The following ZNF286A variants were observed in gnomAD, a reference collection of about 807,000 sequenced individuals.
The protein encoded by ZNF286A is zinc finger protein ZNF286.
ZNF286A carries 34 observed loss-of-function variants against 49.3 expected under a neutral mutation model. The observed-to-expected ratio is 0.69, with a 90% confidence interval of 0.52 to 0.92. ZNF286A has a LOEUF of 0.92. ZNF286A is among the 40% of genes least tolerant of loss of function. The probability of loss-of-function intolerance (pLI) is 0.00; values close to 1 mark genes in which losing one functional copy is unlikely to be tolerated. For synonymous variants in ZNF286A, 155 were observed against 200.4 expected, an observed-to-expected ratio of 0.77 and a Z score of 1.91; for missense variants, 462 against 600.2, an observed-to-expected ratio of 0.77 and a Z score of 2.41.
intron 5 of ZNF286A, among the ~76,000 whole-genome samples, chr17:15,709,205 C>T (rs1375498477): frequency 6.7e-6 from 1 of 150,132 alleles, no homozygotes; most frequent in African/African-American, 2.5e-5. Flanking sequence ...CCCTTTTATT[C>T]TCAGCTGGGT....
chr17:15,706,354 G>C, intron 3 of ZNF286A, 33 bp from the exon 4 acceptor site: 1 of 1,580,302 alleles, frequency 6.3e-7, no homozygotes, highest in South Asian at 1.1e-5. Flanking sequence ...GTAATTAAGG[G>C]AAAGATGTTG....
intron 4 of ZNF286A, among the ~76,000 whole-genome samples, chr17:15,707,204 G>C (rs1363831812): frequency 6.6e-6 from 1 of 152,140 alleles, no homozygotes; most frequent in Non-Finnish European, 1.5e-5. Context: ...ACTTTGGGAG[G>C]CCGAGGCGGG....
At chr17:15,708,996 T>C (rs1263224247) in intron 5 of ZNF286A, among the ~76,000 whole-genome samples, 2 of 152,154 alleles carry the variant, frequency 1.3e-5, no homozygotes, top group African/African-American at 2.4e-5. Flanking sequence ...AGATACATAC[T>C]CACTTTTGGT....
chr17:15,702,269 C>G (rs1989835815), intron 3 of ZNF286A, among the ~76,000 whole-genome samples: 1 of 152,132 alleles, frequency 6.6e-6, no homozygotes, highest in African/African-American at 2.4e-5. Flanking sequence ...AATCCCAGCA[C>G]TTTGAGAGGC....
intron 5 of ZNF286A, among the ~76,000 whole-genome samples, chr17:15,714,355 T>C (rs1419421049): frequency 6.6e-6 from 1 of 152,154 alleles, no homozygotes; most frequent in East Asian, 1.9e-4. Flanking sequence ...CTAAATGTTA[T>C]TTTGGAAGCA....
chr17:15,705,968 G>A (rs1226798948), intron 3 of ZNF286A, among the ~76,000 whole-genome samples: 5 of 152,072 alleles, frequency 3.3e-5, no homozygotes, highest in African/African-American at 4.8e-5. Context: ...ATTGCAGTTC[G>A]TCTTGTGATT....
chr17:15,700,332 G>GGAGACA lies in ZNF286A; in HGVS notation c.6_11dup (p.Glu2_Thr3dup), dbSNP rs1989674365. ...AGAACAAGGAGGAGGTGGTGATCAT[G>GGAGACA]GAGACAGATTTGGCTGAAATGCCTG... On this transcript the variant is annotated inframe_insertion, in exon 2 of 6. Coordinates refer to ENST00000583566, the MANE Select transcript of ZNF286A (RefSeq NM_001130842.2). The GGAGACA allele has an allele frequency of 1.1e-6, 1 of 891,302 alleles. No individual in the cohort carries two copies. The highest frequency in any genetic ancestry group is 1.7e-5 in the African/African-American group (1 of 59,358). 55.2% of individuals were successfully genotyped at this position (891,302 alleles called of 1,614,324 possible). A position where few individuals can be genotyped will look rare whatever the true frequency, so the allele number is the denominator to read the frequency against.
chr17:15,710,532 T>G (rs1990572066), intron 5 of ZNF286A, among the ~76,000 whole-genome samples: 1 of 152,204 alleles, frequency 6.6e-6, no homozygotes. Context: ...CTCAGCATAC[T>G]TAGTTCTATT....
chr17:15,703,027 A>G (rs1989905440), intron 3 of ZNF286A, among the ~76,000 whole-genome samples: 2 of 152,146 alleles, frequency 1.3e-5, no homozygotes, highest in African/African-American at 2.4e-5. Context: ...TTCTTGCAGA[A>G]GTGCTGGGAT....
At chr17:15,711,656 C>T (rs1424545845) in intron 5 of ZNF286A, among the ~76,000 whole-genome samples, 1 of 152,190 alleles carries the variant, frequency 6.6e-6, no homozygotes, top group Non-Finnish European at 1.5e-5. Flanking sequence ...CATGGTGTCT[C>T]TGCAGCCATT....
At position 15,714,688 on chromosome 17, in the gene ZNF286A, G is replaced by A. The variant is rs867522950; in HGVS notation, c.335-1371G>A. On this transcript the variant is annotated intron_variant, in intron 5 of 5. Coordinates refer to ENST00000583566, the MANE Select transcript of ZNF286A (RefSeq NM_001130842.2). ...CAAAACTGCAATTCAGATTTTGCTC[G>A]TGAATGTTAGATTAAATTTTCTCTT... 9.4e-3 allele frequency among the ~76,000 whole-genome samples: 1,433 copies of A among 152,160 alleles called. 22 individuals carry two copies. Among genetic ancestry groups the A allele is most frequent in the African/African-American group, 0.033 (1,352 of 41,482 alleles).
intron 3 of ZNF286A, among the ~76,000 whole-genome samples, chr17:15,703,269 A>G (rs2151452715): frequency 6.6e-6 from 1 of 151,146 alleles, no homozygotes; most frequent in South Asian, 2.1e-4. Flanking sequence ...AAGCGTGAAT[A>G]TATATTTCAA....
chr17:15,707,371 C>T (rs1406423590), intron 4 of ZNF286A, among the ~76,000 whole-genome samples: 1 of 149,342 alleles, frequency 6.7e-6, no homozygotes, highest in Non-Finnish European at 1.5e-5. Flanking sequence ...CCCCGGGAGG[C>T]GGAGCTTGCA....
intron 4 of ZNF286A, among the ~76,000 whole-genome samples, chr17:15,706,798 G>T (rs960780139): frequency 5.3e-5 from 8 of 152,074 alleles, no homozygotes; most frequent in Admixed American, 4.6e-4. Flanking sequence ...TTTATTCATT[G>T]ATTTATTTTT....
At chr17:15,708,030 AAAG>A (rs1241798305) in intron 4 of ZNF286A, 122 bp from the exon 5 acceptor site, 5 of 446,114 alleles carry the variant, frequency 1.1e-5, no homozygotes, top group Non-Finnish European at 1.7e-5. Flanking sequence ...AATTAAAAAA[AAAG>A]AAAGAAAGTT....
rs1990229455 is a variant in ZNF286A at position 15,706,407 on chromosome 17, T to C, written c.147T>C (p.Asp49=). ...ARSQETVTFK[D]VAMDFTPEEW... is the part of the protein sequence containing the mutation. ...TTTAGGAAACAGTGACATTCAAGGATGTGGCCATGGACTTTACACCAGAGG... is the reference window on the plus strand; with the variant it reads ...TTTAGGAAACAGTGACATTCAAGGACGTGGCCATGGACTTTACACCAGAGG... The change falls in exon 4 of 6, where the codon GAT becomes GAC. Residue 49 remains aspartate (D), a synonymous_variant. Transcript: ENST00000583566. 5.0e-6 allele frequency: 8 copies of C among 1,613,838 alleles called. No individual in the cohort carries two copies. Among genetic ancestry groups the C allele is most frequent in the Non-Finnish European group, 6.8e-6 (8 of 1,179,934 alleles).
At chr17:15,716,004 G>A (rs1375999245) in intron 5 of ZNF286A, 55 bp from the exon 6 acceptor site, 1 of 1,611,720 alleles carries the variant, frequency 6.2e-7, no homozygotes. Flanking sequence ...TTACAGAACT[G>A]CCTTTTTGTT....
Position 15,716,893 on chromosome 17 carries a change from C to T in ZNF286A, c.1169C>T (p.Ala390Val). The stretch of plus-strand genomic sequence containing the variant: ...TATAAATGTCAAGAATGTGGGAAAG[C>T]CTTTAGCCATTGCTCATCCCTAACT... ...KPYKCQECGK[A>V]FSHCSSLTKH... The change falls in exon 6 of 6, where the codon GCC becomes GTC. Residue 390 changes from alanine to valine, a missense_variant. By Grantham distance (64) the Ala-to-Val change is moderately conservative (BLOSUM62 0). Transcript: ENST00000583566. 1.2e-6 allele frequency: 2 copies of T among 1,610,366 alleles called. No individual in the cohort carries two copies.
intron 3 of ZNF286A, chr17:15,704,148 C>A: frequency 1.9e-6 from 2 of 1,053,544 alleles, no homozygotes; most frequent in Non-Finnish European, 2.7e-6. Context: ...CCGACCCCAG[C>A]CATAATTTAA....
Sources: allele counts gnomAD v4.1 joint callset (sites outside exome capture counted in the v4.1 genomes callset), GRCh38; gene constraint gnomAD v4.1.1; transcripts MANE v1.5; gene names NCBI Gene and HGNC (gene_info 2026-07-23, HGNC 2026-07-21).